The following BICDL1 variants were observed in gnomAD, a reference collection of about 807,000 sequenced individuals.
BICDL1 encodes the protein BICD family like cargo adaptor 1.
Under a neutral mutation model 76.8 loss-of-function variants are expected in BICDL1, and 20 were observed. That is an observed-to-expected ratio of 0.26 (90% confidence interval 0.18 to 0.38). The LOEUF (loss-of-function observed/expected upper bound fraction) is 0.38. Among genes scored for constraint, BICDL1 ranks in the 10% least tolerant of loss-of-function variants. The pLI, the probability that BICDL1 is intolerant of heterozygous loss-of-function variation, is 1.00. For synonymous variants in BICDL1, 383 were observed against 337.1 expected (o/e 1.14, Z -1.49); for missense variants, 700 against 798.6 (o/e 0.88, Z 1.49).
chr12:120,021,294 A>AG lies in BICDL1; in HGVS notation c.645+22560dup, dbSNP rs376313694. Reference sequence around the variant, plus strand: ...GCAAGACTCCATCTCAAAAAAAAAAAGGAGAGAATAGGCAGGGCACGGTGG... The same window carrying AG: ...GCAAGACTCCATCTCAAAAAAAAAAAGGGAGAGAATAGGCAGGGCACGGTGG... On this transcript the variant is annotated intron_variant, in intron 2 of 9. Transcript: ENST00000548673. Among the ~76,000 whole-genome samples the AG allele has an allele frequency of 1.5e-4, 22 of 150,038 alleles. No homozygotes were observed. In the East Asian group the frequency reaches 3.9e-3, roughly 27 times the overall value.
chr12:120,006,298 TA>T (rs1311730443), intron 2 of BICDL1, among the ~76,000 whole-genome samples: 1 of 152,252 alleles, frequency 6.6e-6, no homozygotes, highest in Admixed American at 6.5e-5. Flanking sequence ...GTATTTGTTT[TA>T]TGTATTTATC....
intron 8 of BICDL1, among the ~76,000 whole-genome samples, chr12:120,087,632 C>T (rs1000169968): frequency 1.3e-5 from 2 of 152,126 alleles, no homozygotes; most frequent in African/African-American, 2.4e-5. Flanking sequence ...CTTAAGGGAG[C>T]GATTAATGAA....
chr12:120,064,704 A>G, intron 3 of BICDL1, 29 bp from the exon 4 acceptor site: 1 of 1,582,630 alleles, frequency 6.3e-7, no homozygotes, highest in South Asian at 1.2e-5. Flanking sequence ...GTAACTCCAC[A>G]CCACCCCTGT....
At chr12:120,078,636 C>T (rs1465887841) in intron 7 of BICDL1, among the ~76,000 whole-genome samples, 1 of 152,088 alleles carries the variant, frequency 6.6e-6, no homozygotes, top group Non-Finnish European at 1.5e-5. Context: ...TTTTTATTTC[C>T]GCTTATTATA....
chr12:120,049,939 G>T (rs2083726963), intron 2 of BICDL1, among the ~76,000 whole-genome samples: 1 of 152,166 alleles, frequency 6.6e-6, no homozygotes, highest in Admixed American at 6.5e-5. Flanking sequence ...CAGTGTGTGG[G>T]AATTCCAGTT....
At chr12:120,083,817 G>A (rs1874187647) in intron 8 of BICDL1, among the ~76,000 whole-genome samples, 1 of 151,642 alleles carries the variant, frequency 6.6e-6, no homozygotes, top group African/African-American at 2.4e-5. Context: ...CCCCATGCTT[G>A]GCTAATTTTT....
At position 120,071,342 on chromosome 12, in the gene BICDL1, A is replaced by C. The variant is rs936372152; in HGVS notation, c.910-280A>C. On this transcript the variant is annotated intron_variant, in intron 4 of 9. Transcript: ENST00000548673. The surrounding 1 kb of genome is among the most constrained non-coding windows in gnomAD (Gnocchi z 4.8). Reference sequence around the variant, plus strand: ...TTTTTAGTAGAGGCAGGGTTTCATCATGTTGGCCAGGCTGGTCTCATACTC... The same window carrying C: ...TTTTTAGTAGAGGCAGGGTTTCATCCTGTTGGCCAGGCTGGTCTCATACTC... 1.3e-5 allele frequency among the ~76,000 whole-genome samples: 2 copies of C among 151,672 alleles called. No individual in the cohort carries two copies. The highest frequency in any genetic ancestry group is 2.9e-5 in the Non-Finnish European group (2 of 67,934).
intron 1 of BICDL1, among the ~76,000 whole-genome samples, chr12:119,995,399 C>T (rs1053308888): frequency 6.6e-6 from 1 of 152,194 alleles, no homozygotes; most frequent in Non-Finnish European, 1.5e-5. Flanking sequence ...ATAGACTGAT[C>T]AGCACCACCT....
rs1555277903 is a variant in BICDL1, at chr12:119,989,454, C to CCGGCGGCGG, written c.-413_-405dup. Among the ~76,000 whole-genome samples, 6 of 89,084 alleles carry CCGGCGGCGG rather than the reference C, an allele frequency of 6.7e-5. No homozygotes were observed. Among genetic ancestry groups the CCGGCGGCGG allele is most frequent in the Admixed American group, 2.2e-4 (2 of 8,912 alleles). 58.4% of individuals were successfully genotyped at this position (89,084 alleles called of 152,430 possible). A position where few individuals can be genotyped will look rare whatever the true frequency, so the allele number is the denominator to read the frequency against. ...GCCCGCCCCGTGAGGCGCTGCCCGG[C>CCGGCGGCGG]CGGCGGCGGCAGCAGCAGCAGCAGC... is the stretch of plus-strand genomic sequence containing the variant. On this transcript the variant is annotated 5_prime_UTR_variant, in exon 1 of 10. Coordinates refer to ENST00000548673, the MANE Select transcript of BICDL1 (RefSeq NM_001367886.1).
chr12:120,036,934 G>A (rs933102195), intron 2 of BICDL1, among the ~76,000 whole-genome samples: 1 of 152,142 alleles, frequency 6.6e-6, no homozygotes, highest in Admixed American at 6.5e-5. Flanking sequence ...ATATATGAAA[G>A]TTTACCAAAA....
rs554081455 is a variant in BICDL1, at chr12:120,010,735, G to A, written c.645+11999G>A. Among the ~76,000 whole-genome samples, 4 of 152,168 alleles carry A rather than the reference G, an allele frequency of 2.6e-5. No homozygotes were observed. The South Asian group carries it at 8.3e-4, about 32-fold the overall frequency. ...TTTAATATTTTATTTGAGGGAAAAA[G>A]TGTTTTTTTTTATCTGAGTTTAAAG... On this transcript the variant is annotated intron_variant, in intron 2 of 9. Transcript: ENST00000548673.
intron 2 of BICDL1, among the ~76,000 whole-genome samples, chr12:120,050,509 C>T (rs1411020273): frequency 1.3e-5 from 2 of 152,102 alleles, no homozygotes; most frequent in Non-Finnish European, 2.9e-5. Context: ...CCTCGTGATC[C>T]ACCTGCCTCA....
At chr12:120,073,198 A>G (rs562027113) in intron 6 of BICDL1, among the ~76,000 whole-genome samples, 74 of 152,304 alleles carry the variant, frequency 4.9e-4, no homozygotes, top group African/African-American at 1.7e-3. Flanking sequence ...GAGAACACCA[A>G]CTACTGCTGT....
intron 1 of BICDL1, among the ~76,000 whole-genome samples, chr12:119,995,476 C>T (rs914787218): frequency 6.6e-6 from 1 of 152,162 alleles, no homozygotes. Flanking sequence ...TCACTAACAG[C>T]TGTTTGCTGA....
chr12:119,995,520 G>A (rs543755522), intron 1 of BICDL1, among the ~76,000 whole-genome samples: 3 of 152,176 alleles, frequency 2.0e-5, no homozygotes, highest in South Asian at 2.1e-4. Flanking sequence ...TTTAGAACAC[G>A]AGCCTAATTT....
chr12:120,063,005 C>T (rs1169030288), intron 3 of BICDL1, among the ~76,000 whole-genome samples: 2 of 152,186 alleles, frequency 1.3e-5, no homozygotes, highest in Non-Finnish European at 2.9e-5. Flanking sequence ...GGTGGCCTAA[C>T]ACTGATTCCC....
chr12:120,039,412 G>A (rs1952590624), intron 2 of BICDL1, among the ~76,000 whole-genome samples: 3 of 151,310 alleles, frequency 2.0e-5, no homozygotes, highest in Admixed American at 1.3e-4. Flanking sequence ...GGCCAAGGTG[G>A]GCGGATTATG....
chr12:120,044,179 G>A (rs1047317058), intron 2 of BICDL1, among the ~76,000 whole-genome samples: 7 of 152,182 alleles, frequency 4.6e-5, no homozygotes, highest in African/African-American at 1.7e-4. Context: ...TGGGAAGAAA[G>A]TGACCACCAG....
chr12:120,043,834 T>C (rs1952693339), intron 2 of BICDL1, among the ~76,000 whole-genome samples: 1 of 152,240 alleles, frequency 6.6e-6, no homozygotes, highest in Admixed American at 6.5e-5. Flanking sequence ...CCATGTGCCA[T>C]GTACTTTATT....
Sources: allele counts gnomAD v4.1 joint callset (sites outside exome capture counted in the v4.1 genomes callset), GRCh38; gene constraint gnomAD v4.1.1; non-coding constraint Gnocchi (gnomAD v3.1); transcripts MANE v1.5; gene names NCBI Gene and HGNC (gene_info 2026-07-23, HGNC 2026-07-21).